Variants in BCOR observed in about 807,000 individuals in gnomAD.
BCOR encodes the protein BCL-6 corepressor.
BCOR carries 10 observed loss-of-function variants against 86.7 expected under a neutral mutation model. The ratio of observed to expected loss-of-function variants is 0.12; its 90% CI spans 0.07 to 0.20. The LOEUF (loss-of-function observed/expected upper bound fraction) is 0.20, where lower values mean the gene tolerates loss of function less well. Ranked by LOEUF, BCOR falls within the 10% of genes least tolerant of loss-of-function variation. The probability of loss-of-function intolerance (pLI) is 1.00; values close to 1 mark genes in which losing one functional copy is unlikely to be tolerated. For missense variants in BCOR, 1,259 were observed against 1,452.1 expected (o/e 0.87, Z 2.16); for synonymous variants, 611 against 609.0 (o/e 1.00, Z -0.05).
chrX:40,120,478 A>G (rs1032739539), intron 1 of BCOR, among the ~76,000 whole-genome samples: 16 of 111,563 alleles, frequency 1.4e-4, no homozygotes, highest in African/African-American at 4.9e-4. Flanking sequence ...TTCTCTGCGC[A>G]GTTTTAGGAG....
rs1208436188 is a variant in BCOR, at chrX:40,072,680, T to C, written c.2666A>G (p.Lys889Arg). The C allele has an allele frequency of 8.3e-7, 1 of 1,211,823 alleles. No individual in the cohort carries two copies. The highest frequency in any genetic ancestry group is 1.8e-5 in the South Asian group (1 of 56,989). Residue 889 changes from lysine (K) to arginine (R), a missense_variant, in exon 4 of 15, where the codon AAA (lysine) becomes AGA (arginine). Transcript: ENST00000378444. ...CGAGACTGGCAACCCTAGGTTCTCT[T>C]TGTTGGTACCTGCCAGAACACTGTC... ...SKDSVLAGTNKENLGLPVSTP... is the reference protein window; with the variant it reads ...SKDSVLAGTNRENLGLPVSTP...
At chrX:40,156,530 A>G (rs1236007705) in intron 1 of BCOR, among the ~76,000 whole-genome samples, 3 of 112,907 alleles carry the variant, frequency 2.7e-5, no homozygotes, top group South Asian at 7.1e-4. Context: ...TCTTGCTTGT[A>G]CAGCACAGAA....
At position 40,073,543 on chromosome X, in the gene BCOR, G is replaced by A; in HGVS notation, c.1803C>T (p.Pro601=). The change falls in exon 4 of 15, where the codon CCC becomes CCT. Residue 601 remains proline, a synonymous_variant. Transcript: ENST00000378444. ...TPSVIQHVGQ[P]PATPAKHSSS... is the part of the protein sequence containing the mutation. ...TACTGTGCTTGGCAGGAGTGGCCGG[G>A]GGCTGGCCCACGTGCTGAATAACGG... is the stretch of plus-strand genomic sequence containing the variant. 2 of 1,212,209 alleles carry A rather than the reference G, an allele frequency of 1.6e-6. No individual in the cohort carries two copies. Among genetic ancestry groups the A allele is most frequent in the Non-Finnish European group, 2.2e-6 (2 of 895,635 alleles).
At chrX:40,159,923 G>A (rs1602275676) in intron 1 of BCOR, among the ~76,000 whole-genome samples, 1 of 111,908 alleles carries the variant, frequency 8.9e-6, no homozygotes, top group African/African-American at 3.2e-5. Context: ...AATCTTACAA[G>A]AAAGGAACTG....
At chrX:40,120,121 TG>T (rs1937462114) in intron 1 of BCOR, among the ~76,000 whole-genome samples, 1 of 111,796 alleles carries the variant, frequency 8.9e-6, no homozygotes, top group Non-Finnish European at 1.9e-5. Context: ...CACTTCATCA[TG>T]GCAGCCCTAG....
intron 1 of BCOR, among the ~76,000 whole-genome samples, chrX:40,153,051 G>A (rs917036999): frequency 8.8e-6 from 1 of 113,210 alleles, no homozygotes; most frequent in Non-Finnish European, 1.9e-5. Flanking sequence ...CCGGCCAAGT[G>A]GCGCCTGCCC....
chrX:40,133,116 C>T (rs1475959013), intron 1 of BCOR, among the ~76,000 whole-genome samples: 1 of 110,808 alleles, frequency 9.0e-6, no homozygotes, highest in Admixed American at 9.5e-5. Flanking sequence ...TCATCTGCTT[C>T]AATTTCTTTT....
At chrX:40,094,180 C>T (rs1282473453) in intron 1 of BCOR, among the ~76,000 whole-genome samples, 1 of 111,792 alleles carries the variant, frequency 8.9e-6, no homozygotes, top group Admixed American at 9.4e-5. Context: ...CTCCACCCAG[C>T]TCGCTGGGCC....
upstream of BCOR, among the ~76,000 whole-genome samples, chrX:40,100,844 A>C (rs1391623651): frequency 9.1e-6 from 1 of 110,366 alleles, no homozygotes; most frequent in Non-Finnish European, 1.9e-5. Context: ...CAGGCCAGTA[A>C]ATTCGCCTTT....
intron 1 of BCOR, among the ~76,000 whole-genome samples, chrX:40,165,181 C>G (rs1293871371): frequency 8.9e-6 from 1 of 111,774 alleles, no homozygotes; most frequent in Admixed American, 9.5e-5. Flanking sequence ...GGGAGAAAAC[C>G]AGGCCACATT....
rs1250677588 is a variant in BCOR, at chrX:40,097,236, T to G, written c.-62A>C. 8 of 86,598 alleles carry G rather than the reference T, an allele frequency of 9.2e-5. No homozygotes were observed. Among genetic ancestry groups the G allele is most frequent in the Non-Finnish European group, 2.2e-5 (1 of 45,865 alleles). The allele number at this position is 86,598 out of a possible 1,213,427, so 7.1% of individuals were successfully genotyped here. A position where few individuals can be genotyped will look rare whatever the true frequency, so the allele number is the denominator to read the frequency against. On this transcript the variant is annotated 5_prime_UTR_variant, in exon 1 of 15. Coordinates refer to ENST00000378444, the MANE Select transcript of BCOR (RefSeq NM_001123385.2). ...TGACCTGAAATCCCCGGTGGGGGAG[T>G]AGGCAGGGAGCCTGCGATCCGGCTC...
At chrX:40,172,249 C>G (rs1480875487) in intron 1 of BCOR, among the ~76,000 whole-genome samples, 3 of 112,439 alleles carry the variant, frequency 2.7e-5, no homozygotes, top group Non-Finnish European at 5.6e-5. Flanking sequence ...CCCTCATCCA[C>G]GCGCAGGCCC....
In BCOR at chrX:40,076,985, G is replaced by T. The variant is rs1360100106; in HGVS notation, c.87-453C>A. 3 of 288,073 alleles carry T rather than the reference G, an allele frequency of 1.0e-5. No homozygotes were observed. The Admixed American group carries it at 1.4e-4, about 13-fold the overall frequency. 23.7% of individuals were successfully genotyped at this position (288,073 alleles called of 1,213,427 possible). On this transcript the variant is annotated intron_variant, in intron 2 of 14. Coordinates refer to ENST00000378444, the MANE Select transcript of BCOR (RefSeq NM_001123385.2). ...CATCAACCACTTCCGTGTTACCCAGGAGGGTAGGCTTTCAAAACTTTTTCC... is the reference window on the plus strand; with the variant it reads ...CATCAACCACTTCCGTGTTACCCAGTAGGGTAGGCTTTCAAAACTTTTTCC...
intron 1 of BCOR, among the ~76,000 whole-genome samples, chrX:40,139,073 C>A (rs1425964101): frequency 9.3e-6 from 1 of 107,897 alleles, no homozygotes; most frequent in African/African-American, 3.4e-5. Context: ...TTTAATCCTG[C>A]AAGCTTTAGG....
chrX:40,130,305 G>T (rs1324228065), intron 1 of BCOR, among the ~76,000 whole-genome samples: 1 of 111,810 alleles, frequency 8.9e-6, no homozygotes, highest in Non-Finnish European at 1.9e-5. Context: ...TGAGGGGAGG[G>T]CAGCCTGCAC....
chrX:40,151,538 C>T (rs909565945), intron 1 of BCOR, among the ~76,000 whole-genome samples: 1 of 112,478 alleles, frequency 8.9e-6, no homozygotes, highest in Non-Finnish European at 1.9e-5. Flanking sequence ...CTTCCCACGT[C>T]TCGAAGAAAA....
intron 6 of BCOR, among the ~76,000 whole-genome samples, chrX:40,065,256 C>T (rs1337608069): frequency 8.9e-6 from 1 of 112,225 alleles, no homozygotes; most frequent in East Asian, 2.8e-4. Flanking sequence ...GGAAGAGGGG[C>T]GTGGCAAAGC....
At chrX:40,170,639 C>T (rs970496114) in intron 1 of BCOR, among the ~76,000 whole-genome samples, 5 of 112,044 alleles carry the variant, frequency 4.5e-5, no homozygotes, top group African/African-American at 6.5e-5. Flanking sequence ...TGAGCCACCG[C>T]GCCCAGCCTT....
rs763859019 is a variant in BCOR at position 40,056,433 on chromosome X, G to C, written c.4595+722C>G. On this transcript the variant is annotated intron_variant, in intron 11 of 14. Transcript: ENST00000378444. ...GAAGCCAAGGGAACGGTGGGGAGAA[G>C]AAACAGGCCTGGTGGGGTGTGTTCT... Among the ~76,000 whole-genome samples the C allele has an allele frequency of 5.3e-3, 586 of 110,887 alleles. 2 individuals carry two copies. Among genetic ancestry groups the C allele is most frequent in the Non-Finnish European group, 9.3e-3 (490 of 52,903 alleles).
Sources: gnomAD v4.1 joint callset for allele counts (sites outside exome capture counted in the v4.1 genomes callset) on GRCh38, gnomAD v4.1.1 for gene constraint, MANE v1.5 for transcripts, NCBI Gene and HGNC (gene_info 2026-07-23, HGNC 2026-07-21) for gene names.